FHL5: variants seen among roughly 807,000 people sequenced by gnomAD.
FHL5 encodes the protein four and a half LIM domains protein 5.
Under a neutral mutation model 32.0 loss-of-function variants are expected in FHL5, and 33 were observed. The observed-to-expected ratio is 1.03, with a 90% CI of 0.78 to 1.38. The LOEUF is 1.38. Ranked by LOEUF, FHL5 falls within the 40% of genes most tolerant of loss-of-function variation. The pLI, the probability that FHL5 is intolerant of heterozygous loss-of-function variation, is 0.00. For missense variants in FHL5, 336 were observed against 343.9 expected (o/e 0.98, Z 0.18); for synonymous variants, 114 against 113.6 (o/e 1.00, Z -0.02).
chr6:96,601,713 C>T (rs1049473420), intron 1 of FHL5, among the ~76,000 whole-genome samples: 8 of 152,116 alleles, frequency 5.3e-5, no homozygotes, highest in African/African-American at 1.7e-4. Context: ...ATGAAAACGA[C>T]GTTTTCCATA....
chr6:96,577,337 C>A (rs1364438728), intron 1 of FHL5, among the ~76,000 whole-genome samples: 4 of 151,868 alleles, frequency 2.6e-5, no homozygotes, highest in Non-Finnish European at 5.9e-5. Context: ...TAGTTAACAT[C>A]AATCTCCACC....
In FHL5 at chr6:96,617,565, A is replaced by G. The variant is rs1178010142; in HGVS notation, c.*1793A>G. On this transcript the variant is annotated 3_prime_UTR_variant, in exon 6 of 6. Transcript: ENST00000450218. ...TTGAAAAATACAGGCAAAACTATCA[A>G]TATTTTTTCTGCATTATATGAAATT... is the stretch of plus-strand genomic sequence containing the variant. Among the ~76,000 whole-genome samples the G allele has an allele frequency of 1.3e-5, 2 of 152,220 alleles. No homozygotes were observed. Among genetic ancestry groups the G allele is most frequent in the African/African-American group, 2.4e-5 (1 of 41,454 alleles).
chr6:96,571,023 A>G (rs1447091998), intron 1 of FHL5, among the ~76,000 whole-genome samples: 1 of 151,744 alleles, frequency 6.6e-6, no homozygotes, highest in African/African-American at 2.4e-5. Context: ...GTTACTAGAG[A>G]GTTATTATAT....
At chr6:96,564,874 T>C (rs545284541) in intron 1 of FHL5, among the ~76,000 whole-genome samples, 29 of 152,142 alleles carry the variant, frequency 1.9e-4, no homozygotes, top group Non-Finnish European at 3.7e-4. Flanking sequence ...TGAAAGCTCA[T>C]TGAAGGAGAG....
intron 1 of FHL5, among the ~76,000 whole-genome samples, chr6:96,596,370 G>A (rs141541477): frequency 1.4e-4 from 21 of 152,208 alleles, no homozygotes; most frequent in Non-Finnish European, 2.6e-4. Context: ...TGTCAGCAAT[G>A]AGCATCTTGT....
At chr6:96,569,936 T>G (rs1770440678) in intron 1 of FHL5, among the ~76,000 whole-genome samples, 1 of 151,960 alleles carries the variant, frequency 6.6e-6, no homozygotes, top group Admixed American at 6.6e-5. Flanking sequence ...TCCACCATTT[T>G]GTTGTTTTCC....
chr6:96,615,867 A>C lies in FHL5; in HGVS notation c.*95A>C. On this transcript the variant is annotated 3_prime_UTR_variant, in exon 6 of 6. Transcript: ENST00000450218. ...CTTATTTTTGACTTAAGTTTTAGAA[A>C]ATATTCATGTAGTTTAGAGTGGAAA... The C allele has an allele frequency of 2.7e-6, 3 of 1,095,356 alleles. No individual in the cohort carries two copies. In the East Asian group the frequency reaches 7.7e-5, roughly 28 times the overall value. 67.9% of individuals were successfully genotyped at this position (1,095,356 alleles called of 1,614,324 possible).
At chr6:96,563,035 A>G (rs1340340102), upstream of FHL5, 1 of 152,180 alleles carries the variant, frequency 6.6e-6, no homozygotes, top group Non-Finnish European at 1.5e-5. Context: ...TTCGAATGCT[A>G]ATCCTGGCAG....
At chr6:96,601,422 TG>T (rs1426279118) in intron 1 of FHL5, among the ~76,000 whole-genome samples, 7 of 152,204 alleles carry the variant, frequency 4.6e-5, no homozygotes, top group Non-Finnish European at 7.4e-5. Context: ...TAATTAGGAC[TG>T]GGGTGGGAGA....
chr6:96,612,667 A>G (rs1224810941), intron 5 of FHL5, among the ~76,000 whole-genome samples: 3 of 152,214 alleles, frequency 2.0e-5, no homozygotes, highest in Non-Finnish European at 4.4e-5. Context: ...TCTAAATTTT[A>G]CCCAAAAGTA....
chr6:96,594,631 G>T (rs1183358426), intron 1 of FHL5, among the ~76,000 whole-genome samples: 1 of 151,818 alleles, frequency 6.6e-6, no homozygotes, highest in Non-Finnish European at 1.5e-5. Context: ...GGAATATTTT[G>T]GTTTTCAACC....
chr6:96,592,609 T>C (rs1285959402), intron 1 of FHL5, among the ~76,000 whole-genome samples: 2 of 152,154 alleles, frequency 1.3e-5, no homozygotes, highest in Non-Finnish European at 2.9e-5. Flanking sequence ...CACAGGGGTA[T>C]TGACTGGGGA....
At chr6:96,611,385 GAT>G (rs978600086) in intron 5 of FHL5, among the ~76,000 whole-genome samples, 1 of 152,132 alleles carries the variant, frequency 6.6e-6, no homozygotes, top group Non-Finnish European at 1.5e-5. Flanking sequence ...AATGTGACAT[GAT>G]TTGAAAATAA....
chr6:96,605,367 T>C (rs551287733), intron 3 of FHL5, among the ~76,000 whole-genome samples: 1 of 152,368 alleles, frequency 6.6e-6, no homozygotes, highest in Admixed American at 6.5e-5. Context: ...GGTTCATGTA[T>C]ATCATTCCAC....
At chr6:96,585,801 TA>T (rs369800838) in intron 1 of FHL5, among the ~76,000 whole-genome samples, 8 of 152,286 alleles carry the variant, frequency 5.3e-5, no homozygotes, top group African/African-American at 1.9e-4. Flanking sequence ...CAGAAGACCG[TA>T]ATTATATCCT....
chr6:96,608,872 AAC>A (rs1771339830), intron 4 of FHL5, among the ~76,000 whole-genome samples: 1 of 152,184 alleles, frequency 6.6e-6, no homozygotes, highest in Admixed American at 6.5e-5. Context: ...TCTCTAATTA[AAC>A]AGTCTTTGGT....
At chr6:96,606,394 C>T (rs540926681) in intron 4 of FHL5, among the ~76,000 whole-genome samples, 1 of 152,224 alleles carries the variant, frequency 6.6e-6, no homozygotes, top group South Asian at 2.1e-4. Flanking sequence ...CTCTGTCACC[C>T]AGGCTGGAGT....
chr6:96,574,358 T>C (rs1770543524), intron 1 of FHL5, among the ~76,000 whole-genome samples: 1 of 152,256 alleles, frequency 6.6e-6, no homozygotes, highest in African/African-American at 2.4e-5. Flanking sequence ...GATAATACTT[T>C]AGTCTTCAAA....
Position 96,610,763 on chromosome 6 carries a change from G to A in FHL5, c.691+5G>A, listed in dbSNP as rs745324261. The stretch of plus-strand genomic sequence containing the variant: ...CCTGTTCCAAACCCATTAGTGGTGA[G>A]TTCTTCAGTTCAATATGATCATGCC... On this transcript the variant is annotated splice_donor_5th_base_variant and intron_variant, in intron 5 of 5. Coordinates refer to ENST00000450218, the MANE Select transcript of FHL5 (RefSeq NM_001322466.2). 6.3e-7 allele frequency: 1 copy of A among 1,598,390 alleles called. No homozygotes were observed. Among genetic ancestry groups the A allele is most frequent in the Admixed American group, 1.7e-5 (1 of 59,612 alleles).
Sources: allele counts gnomAD v4.1 joint callset (sites outside exome capture counted in the v4.1 genomes callset), GRCh38; gene constraint gnomAD v4.1.1; transcripts MANE v1.5; gene names NCBI Gene and HGNC (gene_info 2026-07-23, HGNC 2026-07-21).